The following AFF4 variants were observed in gnomAD, a reference collection of about 807,000 sequenced individuals.
AFF4 encodes AF4/FMR2 family member 4.
Under a neutral mutation model 124.8 loss-of-function variants are expected in AFF4, and 13 were observed. That is an observed-to-expected ratio of 0.10 (90% confidence interval 0.07 to 0.17). AFF4 has a LOEUF of 0.17. Ranked by LOEUF, AFF4 falls within the 10% of genes least tolerant of loss-of-function variation. The probability of loss-of-function intolerance (pLI) is 1.00; values close to 1 mark genes in which losing one functional copy is unlikely to be tolerated. For missense variants in AFF4, 1,092 were observed against 1,403.8 expected, an observed-to-expected ratio of 0.78 and a Z score of 3.55; for synonymous variants, 477 against 496.1, an observed-to-expected ratio of 0.96 and a Z score of 0.51.
rs1047182071 is a variant in AFF4, at chr5:132,963,424, A to G, written c.-170T>C. On this transcript the variant is annotated 5_prime_UTR_variant, in exon 1 of 21. Transcript: ENST00000265343. Reference sequence around the variant, plus strand: ...CGGCGGGGGTTCCGGAGGCCTCGACAAACGAAGGCGGCGTCGGCGGCGGCG... The same window carrying G: ...CGGCGGGGGTTCCGGAGGCCTCGACGAACGAAGGCGGCGTCGGCGGCGGCG... 1 of 398,116 alleles carries G rather than the reference A, an allele frequency of 2.5e-6. No individual in the cohort carries two copies. The highest frequency in any genetic ancestry group is 4.4e-6 in the Non-Finnish European group (1 of 225,810). The allele number at this position is 398,116 out of a possible 1,614,324, so 24.7% of individuals were successfully genotyped here.
At chr5:132,908,676 A>G (rs964124542) in intron 5 of AFF4, among the ~76,000 whole-genome samples, 25 of 150,504 alleles carry the variant, frequency 1.7e-4, no homozygotes, top group African/African-American at 6.1e-4. Context: ...CAATGACAAT[A>G]TTATTGTTAT....
chr5:132,936,985 T>C (rs1255606498), intron 2 of AFF4, 82 bp downstream of exon 2: 6 of 1,498,226 alleles, frequency 4.0e-6, no homozygotes, highest in African/African-American at 1.4e-5. Context: ...TCTTTTCTAA[T>C]ATAAACATTC....
chr5:132,923,110 A>G (rs1341637932), intron 5 of AFF4, among the ~76,000 whole-genome samples: 1 of 152,148 alleles, frequency 6.6e-6, no homozygotes, highest in African/African-American at 2.4e-5. Context: ...TGGTAGGCAG[A>G]GGCTGCAGTG....
intron 19 of AFF4, 45 bp downstream of exon 19, chr5:132,885,031 C>G: frequency 6.7e-7 from 1 of 1,493,598 alleles, no homozygotes; most frequent in Admixed American, 1.9e-5. Flanking sequence ...ACTCATTTCA[C>G]TTTTATTGCC....
At chr5:132,939,655 G>C (rs1230572129) in intron 1 of AFF4, among the ~76,000 whole-genome samples, 1 of 152,198 alleles carries the variant, frequency 6.6e-6, no homozygotes, top group Non-Finnish European at 1.5e-5. Context: ...TTGTCCCCCA[G>C]GTTGAAGTGC....
At chr5:132,950,593 G>A (rs1350980212) in intron 1 of AFF4, among the ~76,000 whole-genome samples, 2 of 152,166 alleles carry the variant, frequency 1.3e-5, no homozygotes, top group African/African-American at 4.8e-5. Context: ...AGGTTGCAGT[G>A]AGCCAAGATT....
At chr5:132,954,960 C>T (rs1048979510) in intron 1 of AFF4, among the ~76,000 whole-genome samples, 24 of 152,150 alleles carry the variant, frequency 1.6e-4, no homozygotes, top group African/African-American at 3.1e-4. Flanking sequence ...GGTTCTTCTC[C>T]GGTATCCAGG....
In AFF4 at chr5:132,877,487, C is replaced by A. The variant is rs1759867308; in HGVS notation, c.*3572G>T. On this transcript the variant is annotated 3_prime_UTR_variant, in exon 21 of 21. Coordinates refer to ENST00000265343, the MANE Select transcript of AFF4 (RefSeq NM_014423.4). ...GCACTAAGCTAAAATACTAAACACA[C>A]ACATATTTGACAAACTAATTTCATG... The A allele has an allele frequency of 4.7e-6, 1 of 213,590 alleles. No individual in the cohort carries two copies. The highest frequency in any genetic ancestry group is 1.9e-4 in the South Asian group (1 of 5,372). 13.2% of individuals were successfully genotyped at this position (213,590 alleles called of 1,614,324 possible).
chr5:132,880,465 G>GA lies in AFF4; in HGVS notation c.*593dup. ...TTAAGTGATTTTTTCATGTGTAGAA[G>GA]AATATCCTTAATACTAACTGTAAAT... On this transcript the variant is annotated 3_prime_UTR_variant, in exon 21 of 21. Transcript: ENST00000265343. The GA allele has an allele frequency of 2.5e-6, 1 of 397,446 alleles. No homozygotes were observed. The allele number at this position is 397,446 out of a possible 1,614,324, so 24.6% of individuals were successfully genotyped here.
At chr5:132,940,419 T>G (rs777651900) in intron 1 of AFF4, among the ~76,000 whole-genome samples, 6 of 151,502 alleles carry the variant, frequency 4.0e-5, no homozygotes, top group Non-Finnish European at 7.4e-5. Flanking sequence ...GAGAATGGCG[T>G]GAACCCGGGA....
intron 1 of AFF4, among the ~76,000 whole-genome samples, chr5:132,951,860 A>G (rs548822032): frequency 1.3e-5 from 2 of 152,318 alleles, no homozygotes; most frequent in South Asian, 4.1e-4. Context: ...CTACATATGT[A>G]TATATCTCTA....
intron 5 of AFF4, 25 bp from the exon 6 acceptor site, chr5:132,904,429 T>C (rs1760624528): frequency 1.1e-5 from 18 of 1,588,648 alleles, no homozygotes; most frequent in Admixed American, 1.8e-5. Flanking sequence ...CATAAAATTA[T>C]ACAAAGTTAC....
chr5:132,954,639 C>T (rs1382810026), intron 1 of AFF4, among the ~76,000 whole-genome samples: 2 of 150,440 alleles, frequency 1.3e-5, no homozygotes, highest in Admixed American at 1.3e-4. Flanking sequence ...GCTCCGCCTC[C>T]CGGGTTCACG....
chr5:132,911,119 C>G (rs556107611), intron 5 of AFF4, among the ~76,000 whole-genome samples: 32 of 152,240 alleles, frequency 2.1e-4, no homozygotes, highest in African/African-American at 7.5e-4. Context: ...TCCCATGGAT[C>G]ATTTGTTTTT....
intron 5 of AFF4, among the ~76,000 whole-genome samples, chr5:132,909,859 ATC>A (rs1760753620): frequency 6.6e-6 from 1 of 152,206 alleles, no homozygotes; most frequent in Non-Finnish European, 1.5e-5. Context: ...CAGCTACTGT[ATC>A]AACAGGTGGA....
At position 132,879,900 on chromosome 5, in the gene AFF4, A is replaced by C. The variant is rs752100221; in HGVS notation, c.*1159T>G. The C allele has an allele frequency of 6.3e-5, 17 of 271,520 alleles. No individual in the cohort carries two copies. The highest frequency in any genetic ancestry group is 1.0e-4 in the Non-Finnish European group (15 of 144,634). The allele number at this position is 271,520 out of a possible 1,614,324, so 16.8% of individuals were successfully genotyped here. On this transcript the variant is annotated 3_prime_UTR_variant, in exon 21 of 21. Transcript: ENST00000265343. ...AAGAGGGCCTTCATAATGCAAAAGG[A>C]GTAAACAGAAGATAGGTTTAAAAAG... is the stretch of plus-strand genomic sequence containing the variant.
intron 1 of AFF4, among the ~76,000 whole-genome samples, chr5:132,961,281 C>T (rs1253432501): frequency 6.6e-6 from 1 of 152,112 alleles, no homozygotes; most frequent in Non-Finnish European, 1.5e-5. Flanking sequence ...TCTGGAGTAG[C>T]TGGGACTACA....
intron 1 of AFF4, among the ~76,000 whole-genome samples, chr5:132,960,776 G>A (rs909496746): frequency 2.0e-5 from 3 of 152,016 alleles, no homozygotes; most frequent in African/African-American, 7.2e-5. Context: ...AAATACTGAG[G>A]AAGATAAAAA....
intron 14 of AFF4, 134 bp downstream of exon 14, chr5:132,888,945 C>G: frequency 1.4e-6 from 1 of 734,078 alleles, no homozygotes. Context: ...ATCTGCCTGC[C>G]TGGGCCTCCA....
Sources: gnomAD v4.1 joint callset for allele counts (sites outside exome capture counted in the v4.1 genomes callset) on GRCh38, gnomAD v4.1.1 for gene constraint, MANE v1.5 for transcripts, NCBI Gene and HGNC (gene_info 2026-07-23, HGNC 2026-07-21) for gene names.